RYR2: variants seen among roughly 807,000 people sequenced by gnomAD.
RYR2 encodes the protein cardiac muscle ryanodine receptor-calcium release channel.
Under a neutral mutation model 601.1 loss-of-function variants are expected in RYR2, and 227 were observed. That is an observed-to-expected ratio of 0.38 (90% CI 0.34 to 0.42). The LOEUF (loss-of-function observed/expected upper bound fraction) is 0.42, where lower values mean the gene tolerates loss of function less well. Among genes scored for constraint, RYR2 ranks in the 10% least tolerant of loss-of-function variants. The pLI is 1.00. For missense variants in RYR2, 4,646 were observed against 6,156.5 expected (o/e 0.75, Z 8.21); for synonymous variants, 2,223 against 2,175.1 (o/e 1.02, Z -0.61).
intron 1 of RYR2, among the ~76,000 whole-genome samples, chr1:237,081,837 T>C (rs1248888972): frequency 6.6e-6 from 1 of 152,164 alleles, no homozygotes; most frequent in African/African-American, 2.4e-5. Context: ...ATGGCCTTCC[T>C]GTCCTAGCTG....
intron 29 of RYR2, among the ~76,000 whole-genome samples, chr1:237,575,213 A>G (rs1673104692): frequency 6.6e-6 from 1 of 152,210 alleles, no homozygotes; most frequent in Non-Finnish European, 1.5e-5. Flanking sequence ...CATTTTTATT[A>G]TAAGCCATGC....
At chr1:237,130,928 C>T (rs538579096) in intron 1 of RYR2, among the ~76,000 whole-genome samples, 1 of 152,256 alleles carries the variant, frequency 6.6e-6, no homozygotes, top group East Asian at 1.9e-4. Flanking sequence ...AAAGTCTCAT[C>T]TCTGAGACAG....
At chr1:237,346,825 C>A (rs188408583) in intron 3 of RYR2, among the ~76,000 whole-genome samples, 3 of 152,274 alleles carry the variant, frequency 2.0e-5, no homozygotes, top group African/African-American at 7.2e-5. Context: ...CGTTAAAGTA[C>A]ATAATCCCAT....
chr1:237,598,918 CAA>C (rs963632794), intron 34 of RYR2, among the ~76,000 whole-genome samples: 1 of 152,006 alleles, frequency 6.6e-6, no homozygotes, highest in African/African-American at 2.4e-5. Flanking sequence ...AGAGATGACT[CAA>C]ATAAATAAAA....
chr1:237,808,825 C>T (rs987828106), intron 99 of RYR2, 76 bp from the exon 100 acceptor site: 13 of 1,437,788 alleles, frequency 9.0e-6, no homozygotes, highest in African/African-American at 8.4e-5. Flanking sequence ...AGAGCACTCG[C>T]CGCCCATGTA....
chr1:237,672,524 C>T (rs1268131724), intron 58 of RYR2, among the ~76,000 whole-genome samples: 1 of 152,116 alleles, frequency 6.6e-6, no homozygotes, highest in Admixed American at 6.5e-5. Flanking sequence ...TATTTGCATA[C>T]ATGTATACAA....
At chr1:237,705,062 T>C (rs1688258868) in intron 66 of RYR2, 151 bp from the exon 67 acceptor site, 8 of 648,410 alleles carry the variant, frequency 1.2e-5, no homozygotes, top group Non-Finnish European at 1.9e-5. Flanking sequence ...TGAAAGCATA[T>C]GATGTTTAGC....
intron 62 of RYR2, among the ~76,000 whole-genome samples, chr1:237,682,524 C>T (rs901754307): frequency 6.6e-6 from 1 of 152,116 alleles, no homozygotes; most frequent in African/African-American, 2.4e-5. Flanking sequence ...CATTTTGTTA[C>T]AGTTGCCTAC....
At chr1:237,267,216 A>G (rs17678954) in intron 1 of RYR2, among the ~76,000 whole-genome samples, 1 of 152,018 alleles carries the variant, frequency 6.6e-6, no homozygotes, top group African/African-American at 2.4e-5. Context: ...TATATCATAT[A>G]TCAAAAAGAT....
At chr1:237,126,897 AGGTCTCT>A (rs1446807746) in intron 1 of RYR2, among the ~76,000 whole-genome samples, 2 of 151,358 alleles carry the variant, frequency 1.3e-5, no homozygotes, top group Non-Finnish European at 3.0e-5. Context: ...AAGTGAACAA[AGGTCTCT>A]GGTTTTCCTA....
intron 1 of RYR2, among the ~76,000 whole-genome samples, chr1:237,105,608 G>A (rs1558241567): frequency 6.6e-6 from 1 of 152,072 alleles, no homozygotes. Context: ...GAGACGGACA[G>A]ATCACTTGAG....
At chr1:237,153,982 G>A (rs888837873) in intron 1 of RYR2, among the ~76,000 whole-genome samples, 3 of 152,080 alleles carry the variant, frequency 2.0e-5, no homozygotes, top group Admixed American at 6.6e-5. Context: ...TTAAAGGGTG[G>A]ATGACCTTGG....
At chr1:237,613,936 C>CT in intron 36 of RYR2, 103 bp from the exon 37 acceptor site, 4 of 1,105,452 alleles carry the variant, frequency 3.6e-6, no homozygotes, top group Non-Finnish European at 3.9e-6. Context: ...ATTCCCATAA[C>CT]TTTTTTCCTT....
At chr1:237,164,793 CAT>C (rs893679512) in intron 1 of RYR2, among the ~76,000 whole-genome samples, 3 of 152,090 alleles carry the variant, frequency 2.0e-5, no homozygotes, top group Non-Finnish European at 4.4e-5. Context: ...GTTGATTTTG[CAT>C]ATCTTTATTT....
At chr1:237,675,021 T>C (rs553057383) in intron 60 of RYR2, among the ~76,000 whole-genome samples, 175 bp downstream of exon 60, 1 of 152,136 alleles carries the variant, frequency 6.6e-6, no homozygotes, top group African/African-American at 2.4e-5. Flanking sequence ...TCTTGGGGAG[T>C]GGGTAAAATC....
At chr1:237,364,823 G>A (rs1700065320) in intron 5 of RYR2, among the ~76,000 whole-genome samples, 1 of 152,136 alleles carries the variant, frequency 6.6e-6, no homozygotes, top group African/African-American at 2.4e-5. Flanking sequence ...CCTTTTGCAT[G>A]AATACAATGG....
intron 1 of RYR2, among the ~76,000 whole-genome samples, chr1:237,142,205 A>G (rs1441526503): frequency 6.6e-6 from 1 of 152,190 alleles, no homozygotes; most frequent in African/African-American, 2.4e-5. Context: ...ACACTTGAGC[A>G]CACCTGAGAG....
chr1:237,595,531 G>A lies in RYR2; in HGVS notation c.4470G>A (p.Ala1490=), dbSNP rs1675795803. The A allele has an allele frequency of 3.7e-6, 6 of 1,613,486 alleles. No homozygotes were observed. Among genetic ancestry groups the A allele is most frequent in the East Asian group, 2.2e-5 (1 of 44,826 alleles). ...GCAGCAACTGCTATATGGTATGTGC[G>A]GGTGAGAGCATGAGCCCCGGGCAAG... ...IKRSNCYMVC[A]GESMSPGQGR... The change falls in exon 34 of 105, where the codon GCG becomes GCA. Residue 1490 remains alanine (A), a synonymous_variant. Transcript: ENST00000366574.
At chr1:237,233,111 GAA>G (rs1236944830) in intron 1 of RYR2, among the ~76,000 whole-genome samples, 3 of 152,298 alleles carry the variant, frequency 2.0e-5, no homozygotes, top group South Asian at 2.1e-4. Flanking sequence ...GAAGCTTACA[GAA>G]AAAGAGTGTG....
Sources: gnomAD v4.1 joint callset for allele counts (sites outside exome capture counted in the v4.1 genomes callset) on GRCh38, gnomAD v4.1.1 for gene constraint, MANE v1.5 for transcripts, NCBI Gene and HGNC (gene_info 2026-07-23, HGNC 2026-07-21) for gene names.